The following SYNPR variants were observed in gnomAD, a reference collection of about 807,000 sequenced individuals.
SYNPR encodes the protein synaptoporin.
In SYNPR, 23 loss-of-function variants were observed where a neutral mutation model predicts 32.9. The ratio of observed to expected loss-of-function variants is 0.70; its 90% confidence interval spans 0.50 to 0.99. The LOEUF is 0.99. SYNPR is among the 50% of genes least tolerant of loss of function. SYNPR has a pLI of 0.00. For missense variants in SYNPR, 318 were observed against 349.3 expected, an observed-to-expected ratio of 0.91 and a Z score of 0.71; for synonymous variants, 146 against 135.9, an observed-to-expected ratio of 1.07 and a Z score of -0.52.
intron 2 of SYNPR, among the ~76,000 whole-genome samples, chr3:63,390,700 A>G (rs1220647373): frequency 6.6e-6 from 1 of 152,002 alleles, no homozygotes; most frequent in Non-Finnish European, 1.5e-5. Flanking sequence ...CTAACCGATT[A>G]TTTTTTTTAA....
chr3:63,266,960 C>T (rs2086495312), intron 2 of SYNPR, among the ~76,000 whole-genome samples: 1 of 152,074 alleles, frequency 6.6e-6, no homozygotes, highest in African/African-American at 2.4e-5. Context: ...ATTACCAATA[C>T]AGTCAAAAAA....
At chr3:63,230,186 T>G (rs1180717415) in intron 1 of SYNPR, among the ~76,000 whole-genome samples, 2 of 152,188 alleles carry the variant, frequency 1.3e-5, no homozygotes, top group Non-Finnish European at 2.9e-5. Flanking sequence ...GGCATAGGTT[T>G]TGATGTCCCA....
At chr3:63,488,471 G>C (rs1701197426) in intron 3 of SYNPR, among the ~76,000 whole-genome samples, 1 of 152,162 alleles carries the variant, frequency 6.6e-6, no homozygotes, top group African/African-American at 2.4e-5. Flanking sequence ...GCTGCCTAGT[G>C]GATGGGCAAG....
At chr3:63,464,929 T>A (rs1030020369) in intron 2 of SYNPR, among the ~76,000 whole-genome samples, 7 of 152,228 alleles carry the variant, frequency 4.6e-5, no homozygotes, top group African/African-American at 1.7e-4. Flanking sequence ...GATGGCTCCA[T>A]CCCTGCAGTC....
At chr3:63,281,528 G>C (rs1187072436) in intron 2 of SYNPR, among the ~76,000 whole-genome samples, 2 of 152,164 alleles carry the variant, frequency 1.3e-5, no homozygotes, top group Non-Finnish European at 2.9e-5. Context: ...TCGTTGTTTA[G>C]TGAGGGCCTA....
At chr3:63,282,531 T>TA (rs1473914056) in intron 2 of SYNPR, among the ~76,000 whole-genome samples, 2 of 151,872 alleles carry the variant, frequency 1.3e-5, no homozygotes, top group African/African-American at 4.8e-5. Flanking sequence ...AAAAGAAATT[T>TA]AAAAAATTAG....
rs376563395 is a variant in SYNPR at position 63,336,391 on chromosome 3, T to C, written c.84+57649T>C. Among the ~76,000 whole-genome samples the C allele has an allele frequency of 4.3e-4, 65 of 151,910 alleles. 2 individuals carry two copies. Among genetic ancestry groups the C allele is most frequent in the African/African-American group, 1.5e-3 (63 of 41,490 alleles). On this transcript the variant is annotated intron_variant, in intron 2 of 5. Transcript: ENST00000478300. The stretch of plus-strand genomic sequence containing the variant: ...TCAAAATGTTAACAATGATGAACTT[T>C]GTAGTTACAAACGTGCACTATTTTA...
chr3:63,285,210 A>G (rs1220404929), intron 2 of SYNPR, among the ~76,000 whole-genome samples: 1 of 152,238 alleles, frequency 6.6e-6, no homozygotes, highest in East Asian at 1.9e-4. Context: ...TTCAACAGAC[A>G]TCAACTGTCT....
chr3:63,390,377 C>G (rs879207051), intron 2 of SYNPR, among the ~76,000 whole-genome samples: 5 of 152,098 alleles, frequency 3.3e-5, no homozygotes, highest in African/African-American at 1.2e-4. Flanking sequence ...AAGTGTGATG[C>G]CTTTTGATGT....
chr3:63,391,239 T>G (rs572249454), intron 2 of SYNPR, among the ~76,000 whole-genome samples: 40 of 152,296 alleles, frequency 2.6e-4, no homozygotes, highest in African/African-American at 9.4e-4. Context: ...CCTAGACCAC[T>G]GCAGAATCTG....
intron 2 of SYNPR, among the ~76,000 whole-genome samples, chr3:63,289,906 G>C (rs988794560): frequency 6.6e-6 from 1 of 151,992 alleles, no homozygotes; most frequent in African/African-American, 2.4e-5. Flanking sequence ...TGAGGCAGGC[G>C]GATCACAAGG....
upstream of SYNPR, among the ~76,000 whole-genome samples, chr3:63,273,364 T>C (rs1444004532): frequency 6.6e-6 from 1 of 152,192 alleles, no homozygotes; most frequent in East Asian, 1.9e-4. Flanking sequence ...ATCTGCATAA[T>C]GGAAGTAACA....
At chr3:63,408,373 AAAGAAAG>A (rs1298232536) in intron 2 of SYNPR, among the ~76,000 whole-genome samples, 9 of 150,506 alleles carry the variant, frequency 6.0e-5, no homozygotes, top group African/African-American at 2.0e-4. Flanking sequence ...AGAAAGAAAG[AAAGAAAG>A]AAAAGGAAGG....
chr3:63,276,461 T>C (rs186917702), upstream of SYNPR, among the ~76,000 whole-genome samples: 5 of 152,268 alleles, frequency 3.3e-5, no homozygotes, highest in East Asian at 1.9e-4. Flanking sequence ...CAAAATCTCA[T>C]TGGGTTCTCA....
intron 3 of SYNPR, among the ~76,000 whole-genome samples, chr3:63,528,228 A>G (rs1005352325): frequency 2.0e-4 from 31 of 152,208 alleles, no homozygotes; most frequent in African/African-American, 6.0e-4. Flanking sequence ...CAGAATGTTA[A>G]TGACTATTAT....
chr3:63,265,440 C>T (rs1157589940), intron 2 of SYNPR, among the ~76,000 whole-genome samples: 24 of 151,776 alleles, frequency 1.6e-4, no homozygotes, highest in African/African-American at 5.1e-4. Flanking sequence ...TTAGTAGAGA[C>T]GGGATTTCAC....
chr3:63,401,822 A>C (rs2107102330), intron 2 of SYNPR, among the ~76,000 whole-genome samples: 1 of 152,282 alleles, frequency 6.6e-6, no homozygotes, highest in South Asian at 2.1e-4. Flanking sequence ...TGTGCTCCAA[A>C]CAGCTGCTAC....
At chr3:63,489,494 C>T (rs1257797801) in intron 3 of SYNPR, among the ~76,000 whole-genome samples, 2 of 152,112 alleles carry the variant, frequency 1.3e-5, no homozygotes, top group Admixed American at 6.5e-5. Flanking sequence ...AATAAGGAGA[C>T]CCTTCAATCA....
chr3:63,515,973 G>C (rs1701791505), intron 3 of SYNPR, among the ~76,000 whole-genome samples: 2 of 152,100 alleles, frequency 1.3e-5, no homozygotes, highest in South Asian at 4.1e-4. Context: ...AAGGGGACTG[G>C]TTATTGATTT....
Sources: gnomAD v4.1 joint callset for allele counts (sites outside exome capture counted in the v4.1 genomes callset) on GRCh38, gnomAD v4.1.1 for gene constraint, MANE v1.5 for transcripts, NCBI Gene and HGNC (gene_info 2026-07-23, HGNC 2026-07-21) for gene names.